Variants in NKAIN2 observed in about 807,000 individuals in gnomAD.
The protein encoded by NKAIN2 is sodium/potassium-transporting ATPase subunit beta-1-interacting protein 2.
Under a neutral mutation model 32.6 loss-of-function variants are expected in NKAIN2, and 14 were observed. The ratio of observed to expected loss-of-function variants is 0.43; its 90% CI spans 0.28 to 0.67. NKAIN2 has a LOEUF of 0.67. Among genes scored for constraint, NKAIN2 ranks in the 30% least tolerant of loss-of-function variants. The pLI is 0.17. For missense variants in NKAIN2, 198 were observed against 258.3 expected, an observed-to-expected ratio of 0.77 and a Z score of 1.60; for synonymous variants, 80 against 87.2, an observed-to-expected ratio of 0.92 and a Z score of 0.46.
chr6:124,631,739 C>T (rs768435384), intron 3 of NKAIN2, among the ~76,000 whole-genome samples: 2 of 152,138 alleles, frequency 1.3e-5, no homozygotes, highest in African/African-American at 4.8e-5. Context: ...TTTGATGTCT[C>T]TTTAATTATG....
intron 4 of NKAIN2, among the ~76,000 whole-genome samples, chr6:124,737,989 G>A (rs2114680898): frequency 6.6e-6 from 1 of 151,994 alleles, no homozygotes; most frequent in East Asian, 1.9e-4. Flanking sequence ...GCCTGATGAT[G>A]CAATAGCAAA....
intron 1 of NKAIN2, among the ~76,000 whole-genome samples, chr6:123,976,329 C>T (rs551358592): frequency 0.025 from 399 of 16,202 alleles, 23 homozygotes; most frequent in African/African-American, 0.069. Context: ...ATATATGTTC[C>T]CATATATATA....
chr6:124,685,915 G>A (rs1482338924), intron 4 of NKAIN2, among the ~76,000 whole-genome samples: 1 of 152,134 alleles, frequency 6.6e-6, no homozygotes, highest in Non-Finnish European at 1.5e-5. Context: ...AGAATTTCAA[G>A]CCCAGCTTAG....
chr6:124,406,342 G>A lies in NKAIN2; in HGVS notation c.273+50995G>A, dbSNP rs114498250. On this transcript the variant is annotated intron_variant, in intron 3 of 6. Transcript: ENST00000368417. ...ATTAAATAAATTGATCATACAATATGTATGTACTCTTTTTGAGTCAACATA... is the reference window on the plus strand; with the variant it reads ...ATTAAATAAATTGATCATACAATATATATGTACTCTTTTTGAGTCAACATA... Among the ~76,000 whole-genome samples the A allele has an allele frequency of 3.6e-3, 549 of 152,100 alleles. 3 individuals carry two copies. Among genetic ancestry groups the A allele is most frequent in the African/African-American group, 0.013 (524 of 41,504 alleles).
intron 3 of NKAIN2, among the ~76,000 whole-genome samples, chr6:124,483,795 C>T (rs631559): frequency 0.33 from 49,432 of 151,668 alleles, 9,447 homozygotes; most frequent in African/African-American, 0.54. Context: ...ACTAAATAAT[C>T]TTATAAAACA....
chr6:123,936,558 T>C (rs1269517490), intron 1 of NKAIN2, among the ~76,000 whole-genome samples: 1 of 152,108 alleles, frequency 6.6e-6, no homozygotes, highest in Non-Finnish European at 1.5e-5. Context: ...ATCTATAATA[T>C]GCTATAATTT....
chr6:124,228,436 T>G (rs1003725817), intron 1 of NKAIN2, among the ~76,000 whole-genome samples: 1 of 152,188 alleles, frequency 6.6e-6, no homozygotes, highest in African/African-American at 2.4e-5. Flanking sequence ...ATAAATTCTC[T>G]TGTTTGTAAG....
chr6:124,021,687 CTCTT>C (rs1780873240), intron 1 of NKAIN2, among the ~76,000 whole-genome samples: 1 of 151,830 alleles, frequency 6.6e-6, no homozygotes, highest in South Asian at 2.1e-4. Context: ...TTATAAATCT[CTCTT>C]TCCCATCTAT....
chr6:124,562,266 C>T (rs973828112), intron 3 of NKAIN2, among the ~76,000 whole-genome samples: 1 of 152,162 alleles, frequency 6.6e-6, no homozygotes, highest in Admixed American at 6.5e-5. Flanking sequence ...CACACTAGTG[C>T]CATTGAGACA....
chr6:124,644,564 C>G (rs1283905638), intron 3 of NKAIN2, among the ~76,000 whole-genome samples: 2 of 152,072 alleles, frequency 1.3e-5, no homozygotes, highest in Non-Finnish European at 1.5e-5. Flanking sequence ...GGCACCACGC[C>G]CAGCTAACTT....
intron 1 of NKAIN2, among the ~76,000 whole-genome samples, chr6:124,034,067 C>G (rs931082652): frequency 2.6e-5 from 4 of 152,040 alleles, no homozygotes; most frequent in Non-Finnish European, 5.9e-5. Flanking sequence ...AACTTTTCAG[C>G]TGTTTTGAGG....
intron 3 of NKAIN2, among the ~76,000 whole-genome samples, chr6:124,449,635 C>A (rs1776022290): frequency 6.6e-6 from 1 of 152,006 alleles, no homozygotes; most frequent in South Asian, 2.1e-4. Flanking sequence ...AGTTTGAAGA[C>A]AATTTTACGT....
intron 2 of NKAIN2, among the ~76,000 whole-genome samples, chr6:124,330,626 A>G (rs1797612815): frequency 6.6e-6 from 1 of 152,196 alleles, no homozygotes; most frequent in African/African-American, 2.4e-5. Flanking sequence ...CTGTCAACAA[A>G]TAATATTTCC....
chr6:124,458,416 G>A (rs746377285), intron 3 of NKAIN2, among the ~76,000 whole-genome samples: 1 of 151,878 alleles, frequency 6.6e-6, no homozygotes, highest in Non-Finnish European at 1.5e-5. Context: ...AATTGAAGCA[G>A]TGTATTAGAT....
chr6:124,633,897 G>C (rs1783670669), intron 3 of NKAIN2, among the ~76,000 whole-genome samples: 1 of 152,012 alleles, frequency 6.6e-6, no homozygotes. Context: ...TTGAGAGCCA[G>C]CTTTTTCAGC....
intron 4 of NKAIN2, among the ~76,000 whole-genome samples, chr6:124,780,370 G>A (rs941712754): frequency 2.0e-5 from 3 of 152,220 alleles, no homozygotes; most frequent in African/African-American, 7.2e-5. Flanking sequence ...AGTGAGGAAT[G>A]CCTATCTGTG....
intron 5 of NKAIN2, chr6:124,804,402 C>T (rs555393815): frequency 1.3e-4 from 68 of 531,142 alleles, no homozygotes; most frequent in East Asian, 1.5e-4. Flanking sequence ...TTTCAGCTAA[C>T]GATATACTTT....
At chr6:124,796,987 T>C (rs942704940) in intron 5 of NKAIN2, among the ~76,000 whole-genome samples, 22 of 152,180 alleles carry the variant, frequency 1.4e-4, no homozygotes, top group Admixed American at 8.5e-4. Flanking sequence ...TGGTCGGGTG[T>C]GCCTTTTATT....
intron 3 of NKAIN2, among the ~76,000 whole-genome samples, chr6:124,422,692 C>T (rs1203981364): frequency 6.6e-6 from 1 of 152,172 alleles, no homozygotes; most frequent in Non-Finnish European, 1.5e-5. Context: ...ATAAAAGCAG[C>T]TTACTTGCAA....
Sources: gnomAD v4.1 joint callset for allele counts (sites outside exome capture counted in the v4.1 genomes callset) on GRCh38, gnomAD v4.1.1 for gene constraint, MANE v1.5 for transcripts, NCBI Gene and HGNC (gene_info 2026-07-23, HGNC 2026-07-21) for gene names.